ARHGAP27: variants seen among roughly 807,000 people sequenced by gnomAD.
ARHGAP27 encodes the protein rho GTPase-activating protein 27.
A neutral mutation model predicts 102.0 loss-of-function variants in ARHGAP27; 53 were observed. The ratio of observed to expected loss-of-function variants is 0.52; its 90% CI spans 0.42 to 0.65. The LOEUF is 0.65. Among genes scored for constraint, ARHGAP27 ranks in the 30% least tolerant of loss-of-function variants. The pLI is 0.00. For missense variants in ARHGAP27, 1,117 were observed against 1,256.2 expected (o/e 0.89, Z 1.68); for synonymous variants, 525 against 542.8 (o/e 0.97, Z 0.46).
intron 4 of ARHGAP27, chr17:45,408,140 T>C (rs2047452130): frequency 6.6e-6 from 1 of 151,954 alleles, no homozygotes; most frequent in Admixed American, 6.6e-5. Flanking sequence ...AAAAAATTCA[T>C]TTTTCACCAA....
intron 12 of ARHGAP27, among the ~76,000 whole-genome samples, chr17:45,402,381 A>G (rs189657711): frequency 2.0e-5 from 3 of 152,272 alleles, no homozygotes; most frequent in Admixed American, 6.5e-5. Flanking sequence ...ACTGCAGAAT[A>G]TGTGATGTTA....
At chr17:45,418,147 G>C (rs762033232) in intron 4 of ARHGAP27, among the ~76,000 whole-genome samples, 4 of 149,758 alleles carry the variant, frequency 2.7e-5, no homozygotes, top group Non-Finnish European at 5.9e-5. Flanking sequence ...GTCTCACTGC[G>C]TTTTTCAGGC....
intron 4 of ARHGAP27, among the ~76,000 whole-genome samples, chr17:45,411,254 C>T (rs1238335370): frequency 6.6e-6 from 1 of 152,060 alleles, no homozygotes; most frequent in Non-Finnish European, 1.5e-5. Flanking sequence ...ACAGCCCCTC[C>T]TCTGAGCCCA....
rs765768930 is a variant in ARHGAP27 at position 45,396,019 on chromosome 17, G to A, written c.2350C>T (p.Pro784Ser). 6.2e-7 allele frequency: 1 copy of A among 1,613,780 alleles called. No homozygotes were observed. Among genetic ancestry groups the A allele is most frequent in the Non-Finnish European group, 8.5e-7 (1 of 1,179,804 alleles). Residue 784 changes from proline (P) to serine (S), a missense_variant, in exon 18 of 20, where the codon CCC (proline) becomes TCC (serine). Transcript: ENST00000685559. ...ATGAACTGGCGGAAGTGCGAGAAGG[G>A]GAAGAGGGGCTCGGGCAGCTCCCGA... ...FFRELPEPLF[P>S]FSHFRQFIAA... is the part of the protein sequence containing the mutation.
At chr17:45,398,885 C>A (rs1421605331) in intron 12 of ARHGAP27, among the ~76,000 whole-genome samples, 1 of 152,158 alleles carries the variant, frequency 6.6e-6, no homozygotes, top group Non-Finnish European at 1.5e-5. Context: ...TCCCCATACA[C>A]ACACTGAGGA....
rs2046758630 is a variant in ARHGAP27, at chr17:45,403,723, G to A, written c.1548-14C>T. The A allele has an allele frequency of 6.2e-7, 1 of 1,604,028 alleles. No homozygotes were observed. The highest frequency in any genetic ancestry group is 1.7e-4 in the Middle Eastern group (1 of 5,764). ...CAGTGCTTCTTCCTAGGTGGGGGTG[G>A]GGAAGTGGGGGTGGCAGGACTTAGA... On this transcript the variant is annotated splice_polypyrimidine_tract_variant and intron_variant, in intron 10 of 19. Transcript: ENST00000685559.
intron 6 of ARHGAP27, 96 bp downstream of exon 6, chr17:45,404,828 G>T: frequency 6.4e-7 from 1 of 1,568,118 alleles, no homozygotes; most frequent in Non-Finnish European, 8.7e-7. Flanking sequence ...GCTCTGTGTG[G>T]GAGCTGCGGT....
intron 4 of ARHGAP27, among the ~76,000 whole-genome samples, chr17:45,406,557 C>A (rs1044667312): frequency 6.6e-6 from 1 of 152,224 alleles, no homozygotes; most frequent in Admixed American, 6.5e-5. Flanking sequence ...TAACCCAGTT[C>A]TCACAACTGT....
chr17:45,412,665 C>T (rs968132913), intron 4 of ARHGAP27, among the ~76,000 whole-genome samples: 6 of 152,224 alleles, frequency 3.9e-5, no homozygotes, highest in Admixed American at 6.5e-5. Flanking sequence ...GTCATGTCCA[C>T]ACGACAGGTC....
chr17:45,405,432 T>C (rs538631797), intron 5 of ARHGAP27, among the ~76,000 whole-genome samples: 6 of 148,706 alleles, frequency 4.0e-5, no homozygotes, highest in African/African-American at 7.5e-5. Context: ...CTCTGGTCCT[T>C]AGGTCTGTGG....
chr17:45,409,883 G>A (rs1597813274), intron 4 of ARHGAP27: 2 of 269,160 alleles, frequency 7.4e-6, no homozygotes, highest in South Asian at 1.4e-4. Context: ...AATGGCTCTT[G>A]GGTCGCATCC....
At chr17:45,429,065 C>T (rs1248397088) in intron 4 of ARHGAP27, among the ~76,000 whole-genome samples, 1 of 152,228 alleles carries the variant, frequency 6.6e-6, no homozygotes, top group Non-Finnish European at 1.5e-5. Flanking sequence ...GAAGCAGACG[C>T]CTGACTTTCA....
chr17:45,395,886 C>T, intron 18 of ARHGAP27, 37 bp from the exon 19 acceptor site: 2 of 1,582,830 alleles, frequency 1.3e-6, no homozygotes, highest in Admixed American at 1.8e-5. Flanking sequence ...GGAGTCGGAA[C>T]GGGAGGTAGG....
In ARHGAP27 at chr17:45,430,652, C is replaced by T. The variant is rs1055861667; in HGVS notation, c.-18-355G>A. Among the ~76,000 whole-genome samples the T allele has an allele frequency of 6.6e-6, 1 of 152,156 alleles. No individual in the cohort carries two copies. Among genetic ancestry groups the T allele is most frequent in the Non-Finnish European group, 1.5e-5 (1 of 68,022 alleles). ...ATTGCCCGCTCTAAGGTCGACACCA[C>T]GCTTGCTTAATAGTTGACTGCGCCT... On this transcript the variant is annotated intron_variant, in intron 3 of 19. Coordinates refer to ENST00000685559, the MANE Select transcript of ARHGAP27 (RefSeq NM_001282290.2). This position sits in a 1 kb window ranked among gnomAD's most constrained non-coding sequence, Gnocchi z 4.4.
chr17:45,417,915 A>C (rs2048632736), intron 4 of ARHGAP27, among the ~76,000 whole-genome samples: 1 of 151,826 alleles, frequency 6.6e-6, no homozygotes, highest in Non-Finnish European at 1.5e-5. Context: ...TTAGCCGGGC[A>C]CAGTGGCAGG....
chr17:45,431,234 G>T (rs1286304086), intron 3 of ARHGAP27, among the ~76,000 whole-genome samples: 3 of 152,340 alleles, frequency 2.0e-5, no homozygotes, highest in Admixed American at 1.3e-4. Context: ...TCCCGCCCGG[G>T]CTTCGGGGTG....
rs187969201 is a variant in ARHGAP27 at position 45,421,404 on chromosome 17, C to T, written c.657+8219G>A. On this transcript the variant is annotated intron_variant, in intron 4 of 19. Transcript: ENST00000685559. ...GACTGAGGTGGGAGGATCACTTGAA[C>T]CCAGGAGGTCGAGGCTGCAGTGAGC... is the stretch of plus-strand genomic sequence containing the variant. Among the ~76,000 whole-genome samples the T allele has an allele frequency of 1.3e-3, 201 of 151,902 alleles. 3 individuals are homozygous for T. In the South Asian group the frequency reaches 0.017, roughly 13 times the overall value.
chr17:45,432,160 G>C, intron 2 of ARHGAP27, 56 bp downstream of exon 2: 1 of 204,092 alleles, frequency 4.9e-6, no homozygotes, highest in Non-Finnish European at 1.0e-5. Flanking sequence ...CACCCACTGC[G>C]AGCCCTTCCA....
At position 45,395,049 on chromosome 17, in the gene ARHGAP27, G is replaced by T; in HGVS notation, c.*407C>A. 4.3e-6 allele frequency: 1 copy of T among 233,702 alleles called. No individual in the cohort carries two copies. The highest frequency in any genetic ancestry group is 6.1e-5 in the South Asian group (1 of 16,524). 14.5% of individuals were successfully genotyped at this position (233,702 alleles called of 1,614,324 possible). On this transcript the variant is annotated 3_prime_UTR_variant, in exon 20 of 20. Coordinates refer to ENST00000685559, the MANE Select transcript of ARHGAP27 (RefSeq NM_001282290.2). Reference sequence around the variant, plus strand: ...GCCAGCACAGGGCCAGGGCCCACAGGGTCTCTGTGAAGGCCTCCACGAGGT... The same window carrying T: ...GCCAGCACAGGGCCAGGGCCCACAGTGTCTCTGTGAAGGCCTCCACGAGGT...
Sources: allele counts gnomAD v4.1 joint callset (sites outside exome capture counted in the v4.1 genomes callset), GRCh38; gene constraint gnomAD v4.1.1; non-coding constraint Gnocchi (gnomAD v3.1); transcripts MANE v1.5; gene names NCBI Gene and HGNC (gene_info 2026-07-23, HGNC 2026-07-21).